The following CAPN13 variants were observed in gnomAD, a reference collection of about 807,000 sequenced individuals.
CAPN13 encodes calpain 13.
CAPN13 carries 90 observed loss-of-function variants against 98.4 expected under a neutral mutation model. The ratio of observed to expected loss-of-function variants is 0.92; its 90% CI spans 0.77 to 1.09. CAPN13 has a LOEUF of 1.09. Ranked by LOEUF, CAPN13 falls within the 50% of genes least tolerant of loss-of-function variation. The pLI is 0.00. For missense variants in CAPN13, 887 were observed against 841.3 expected (o/e 1.05, Z -0.67); for synonymous variants, 330 against 305.5 (o/e 1.08, Z -0.84).
Position 30,734,522 on chromosome 2 carries a change from A to T in CAPN13, c.1725T>A (p.His575Gln). The change falls in exon 19 of 23, where the codon CAT (histidine) becomes CAA (glutamine). Residue 575 changes from histidine to glutamine, a missense_variant and splice_region_variant. Coordinates refer to ENST00000295055, the MANE Select transcript of CAPN13 (RefSeq NM_144575.3). ...GGCTTGTCTGAACCTTCTGGAAAAC[A>T]TGCTAATAGGGGAAGAGAAGCAAGA... is the stretch of plus-strand genomic sequence containing the variant. ...RLWKRLVHYQ[H>Q]VFQKVQTSPG... 6.2e-7 allele frequency: 1 copy of T among 1,613,258 alleles called. No individual in the cohort carries two copies. The highest frequency in any genetic ancestry group is 8.5e-7 in the Non-Finnish European group (1 of 1,179,258).
intron 13 of CAPN13, 73 bp downstream of exon 13, chr2:30,743,310 G>A (rs1198443855): frequency 3.0e-6 from 4 of 1,317,826 alleles, no homozygotes; most frequent in Non-Finnish European, 4.4e-6. Context: ...ACAGAGAACT[G>A]CCCATAATTA....
intron 20 of CAPN13, among the ~76,000 whole-genome samples, 182 bp downstream of exon 20, chr2:30,732,255 AG>A (rs1465587277): frequency 6.6e-6 from 1 of 151,904 alleles, no homozygotes; most frequent in African/African-American, 2.4e-5. Flanking sequence ...TACAGGGGAG[AG>A]GGGGGTGCGG....
At chr2:30,783,561 G>A (rs11895471) in intron 2 of CAPN13, among the ~76,000 whole-genome samples, 15,574 of 152,170 alleles carry the variant, frequency 0.1, 2,455 homozygotes, top group African/African-American at 0.34. Flanking sequence ...GGAGAAAGAA[G>A]GAAAGATATA....
intron 1 of CAPN13, among the ~76,000 whole-genome samples, chr2:30,806,742 G>T (rs1366784738): frequency 6.6e-6 from 1 of 152,192 alleles, no homozygotes; most frequent in Non-Finnish European, 1.5e-5. Context: ...ACCACTAGAG[G>T]CATATAGGAA....
At chr2:30,768,944 A>C (rs971806380) in intron 5 of CAPN13, among the ~76,000 whole-genome samples, 1 of 151,958 alleles carries the variant, frequency 6.6e-6, no homozygotes, top group Non-Finnish European at 1.5e-5. Flanking sequence ...CCCAAATAGC[A>C]CAGGAGGGAG....
At chr2:30,729,795 G>C (rs1466134859) in intron 22 of CAPN13, 1 of 152,166 alleles carries the variant, frequency 6.6e-6, no homozygotes, top group Non-Finnish European at 1.5e-5. Context: ...CAAAACAATC[G>C]AGTTTTAGGT....
chr2:30,783,198 G>C (rs115321297), intron 2 of CAPN13, among the ~76,000 whole-genome samples: 1 of 152,060 alleles, frequency 6.6e-6, no homozygotes, highest in South Asian at 2.1e-4. Context: ...CTCCTAAAAG[G>C]GGTCCACTCT....
chr2:30,784,851 G>A (rs1399162673), intron 2 of CAPN13, among the ~76,000 whole-genome samples: 1 of 152,160 alleles, frequency 6.6e-6, no homozygotes, highest in Non-Finnish European at 1.5e-5. Flanking sequence ...GAAGATTGAT[G>A]AGTCAAAGCT....
intron 18 of CAPN13, 122 bp from the exon 19 acceptor site, chr2:30,734,646 C>G (rs1431034261): frequency 4.0e-6 from 3 of 751,586 alleles, no homozygotes; most frequent in Non-Finnish European, 4.6e-6. Context: ...GCACTGAGGA[C>G]TGGGAGGACA....
At position 30,800,645 on chromosome 2, in the gene CAPN13, T is replaced by C. The variant is rs1040653326; in HGVS notation, c.-33+6657A>G. Among the ~76,000 whole-genome samples the C allele has an allele frequency of 3.2e-4, 49 of 152,248 alleles. 1 individual carries two copies. The highest frequency in any genetic ancestry group is 1.1e-3 in the African/African-American group (47 of 41,474). On this transcript the variant is annotated intron_variant, in intron 1 of 22. Coordinates refer to ENST00000295055, the MANE Select transcript of CAPN13 (RefSeq NM_144575.3). ...CTGTAAGATTCTGTATTTCTGGAACTGAGACAACAGGTTCTTATGTAGCCT... is the reference window on the plus strand; with the variant it reads ...CTGTAAGATTCTGTATTTCTGGAACCGAGACAACAGGTTCTTATGTAGCCT...
At chr2:30,778,667 T>C (rs1425232317) in intron 2 of CAPN13, among the ~76,000 whole-genome samples, 2 of 152,204 alleles carry the variant, frequency 1.3e-5, no homozygotes, top group South Asian at 2.1e-4. Flanking sequence ...CCAGGTTTCC[T>C]GGAAGAGATG....
chr2:30,762,209 A>C (rs749263195), intron 7 of CAPN13, among the ~76,000 whole-genome samples: 10 of 152,206 alleles, frequency 6.6e-5, no homozygotes, highest in Non-Finnish European at 1.0e-4. Context: ...CTCTCCTATC[A>C]GGTCTCAGCT....
intron 20 of CAPN13, 92 bp downstream of exon 20, chr2:30,732,346 G>A (rs780095492): frequency 1.0e-5 from 16 of 1,530,306 alleles, no homozygotes; most frequent in Middle Eastern, 2.3e-4. Flanking sequence ...GAGGCCTCAC[G>A]CAGACCTGGG....
chr2:30,802,017 G>T (rs1675310824), intron 1 of CAPN13, among the ~76,000 whole-genome samples: 1 of 152,200 alleles, frequency 6.6e-6, no homozygotes, highest in African/African-American at 2.4e-5. Context: ...CAACACAGCG[G>T]AGAAAGGACA....
At chr2:30,806,517 G>C (rs1675637771) in intron 1 of CAPN13, among the ~76,000 whole-genome samples, 1 of 152,146 alleles carries the variant, frequency 6.6e-6, no homozygotes, top group South Asian at 2.1e-4. Context: ...TGCCACTCGG[G>C]GGTAACCAAA....
intron 10 of CAPN13, 42 bp from the exon 11 acceptor site, chr2:30,751,293 TG>T (rs2147989715): frequency 6.2e-7 from 1 of 1,605,946 alleles, no homozygotes; most frequent in East Asian, 2.2e-5. Context: ...GCTCCACTCC[TG>T]GGACTCCTGG....
rs2148022592 is a variant in CAPN13 at position 30,764,069 on chromosome 2, T to G, written c.699+63A>C. ...CATCCTCCTTAGCTGAATGGACCCCTGGCTGAGCATTCCTGGCTGAGGAAA... is the reference window on the plus strand; with the variant it reads ...CATCCTCCTTAGCTGAATGGACCCCGGGCTGAGCATTCCTGGCTGAGGAAA... On this transcript the variant is annotated intron_variant, in intron 6 of 22. Transcript: ENST00000295055. 2.0e-6 allele frequency: 3 copies of G among 1,486,184 alleles called. No individual in the cohort carries two copies. The East Asian group carries it at 7.4e-5, about 37-fold the overall frequency. The allele number at this position is 1,486,184 out of a possible 1,614,324, so 92.1% of individuals were successfully genotyped here.
At chr2:30,735,387 A>G (rs924619097) in intron 18 of CAPN13, among the ~76,000 whole-genome samples, 1 of 152,246 alleles carries the variant, frequency 6.6e-6, no homozygotes, top group African/African-American at 2.4e-5. Flanking sequence ...ACTGAGGCCA[A>G]CCATGGGAGA....
chr2:30,787,170 G>A lies in CAPN13; in HGVS notation c.156C>T (p.Leu52=), dbSNP rs777693871. 25 of 1,586,072 alleles carry A rather than the reference G, an allele frequency of 1.6e-5. No individual in the cohort carries two copies. The Admixed American group carries it at 2.0e-4, about 13-fold the overall frequency. ...AADSSIGQKL[L]QEKRLSNVIW... ...TCACATTGGAGAGGCGTTTTTCCTG[G>A]AGCAGCTTCTGGCCTATGGAAGAAT... Residue 52 remains leucine (L), a synonymous_variant, in exon 2 of 23, where the codon CTC becomes CTT. Coordinates refer to ENST00000295055, the MANE Select transcript of CAPN13 (RefSeq NM_144575.3).
Sources: gnomAD v4.1 joint callset for allele counts (sites outside exome capture counted in the v4.1 genomes callset) on GRCh38, gnomAD v4.1.1 for gene constraint, MANE v1.5 for transcripts, NCBI Gene and HGNC (gene_info 2026-07-23, HGNC 2026-07-21) for gene names.